The following CACNA2D3 variants were observed in gnomAD, a reference collection of about 807,000 sequenced individuals.
CACNA2D3 encodes voltage-dependent calcium channel subunit alpha-2/delta-3.
Under a neutral mutation model 160.6 loss-of-function variants are expected in CACNA2D3, and 60 were observed. The ratio of observed to expected loss-of-function variants is 0.37; its 90% CI spans 0.30 to 0.46. The LOEUF (loss-of-function observed/expected upper bound fraction) is 0.46, where lower values mean the gene tolerates loss of function less well. Ranked by LOEUF, CACNA2D3 falls within the 20% of genes least tolerant of loss-of-function variation. The pLI is 1.00. For missense variants in CACNA2D3, 1,205 were observed against 1,365.0 expected, an observed-to-expected ratio of 0.88 and a Z score of 1.85; for synonymous variants, 558 against 492.9, an observed-to-expected ratio of 1.13 and a Z score of -1.75.
chr3:54,597,145 T>A (rs1378492354), intron 9 of CACNA2D3, among the ~76,000 whole-genome samples: 1 of 152,240 alleles, frequency 6.6e-6, no homozygotes. Context: ...CCACCTGAGA[T>A]AAAATCTAAC....
At chr3:54,172,022 T>C (rs72972024) in intron 2 of CACNA2D3, among the ~76,000 whole-genome samples, 12,162 of 152,292 alleles carry the variant, frequency 0.08, 575 homozygotes, top group African/African-American at 0.11. Flanking sequence ...AGCTCTCTCT[T>C]ATTTCCACGG....
At chr3:54,785,591 A>T (rs1490938012) in intron 13 of CACNA2D3, among the ~76,000 whole-genome samples, 1 of 152,212 alleles carries the variant, frequency 6.6e-6, no homozygotes, top group Admixed American at 6.5e-5. Context: ...TACCTAAATG[A>T]CAAGCAAAAT....
At chr3:54,303,818 G>GTTTTTTTTTTTTTTTT (rs71617795) in intron 2 of CACNA2D3, among the ~76,000 whole-genome samples, 6 of 115,006 alleles carry the variant, frequency 5.2e-5, no homozygotes, top group African/African-American at 1.7e-4. Flanking sequence ...CTTTTTTTCT[G>GTTTTTTTTTTTTTTTT]TTTTTTTTTT....
chr3:54,144,850 A>G (rs1699996758), intron 2 of CACNA2D3, among the ~76,000 whole-genome samples: 1 of 152,230 alleles, frequency 6.6e-6, no homozygotes, highest in Non-Finnish European at 1.5e-5. Context: ...AAGTGTTTTT[A>G]TCATTTTTAC....
chr3:54,979,862 T>C (rs1306905016), intron 29 of CACNA2D3, among the ~76,000 whole-genome samples: 4 of 152,208 alleles, frequency 2.6e-5, no homozygotes, highest in Non-Finnish European at 5.9e-5. Context: ...CAGTTGTCTG[T>C]GGATGATAAA....
intron 3 of CACNA2D3, among the ~76,000 whole-genome samples, chr3:54,342,647 G>C (rs1404783874): frequency 6.6e-6 from 1 of 152,190 alleles, no homozygotes; most frequent in Non-Finnish European, 1.5e-5. Context: ...TCATTGATAA[G>C]AACGGCACTG....
chr3:54,920,421 G>C (rs1880826), intron 27 of CACNA2D3, among the ~76,000 whole-genome samples: 112,125 of 152,066 alleles, frequency 0.74, 41,669 homozygotes, highest in East Asian at 0.86. Flanking sequence ...CCACCAGAGT[G>C]TCTTGGGTTC....
intron 9 of CACNA2D3, among the ~76,000 whole-genome samples, chr3:54,615,237 G>T (rs1312331457): frequency 6.6e-6 from 1 of 152,132 alleles, no homozygotes; most frequent in Non-Finnish European, 1.5e-5. Context: ...TACCATCATC[G>T]CAAGGAGACT....
At chr3:54,980,069 C>G (rs1036725027) in intron 29 of CACNA2D3, among the ~76,000 whole-genome samples, 1 of 152,154 alleles carries the variant, frequency 6.6e-6, no homozygotes, top group African/African-American at 2.4e-5. Context: ...AAGCCAAACA[C>G]TGTTTCACAT....
intron 11 of CACNA2D3, among the ~76,000 whole-genome samples, chr3:54,703,004 A>G (rs1480765340): frequency 6.6e-6 from 1 of 152,200 alleles, no homozygotes; most frequent in East Asian, 1.9e-4. Flanking sequence ...ACATGTTTTC[A>G]TTTATAAGTG....
At chr3:55,046,227 A>G (rs1351801679) in intron 35 of CACNA2D3, among the ~76,000 whole-genome samples, 2 of 144,230 alleles carry the variant, frequency 1.4e-5, no homozygotes, top group South Asian at 2.2e-4. Flanking sequence ...CATTAGGTAT[A>G]TCTCCCGATG....
At chr3:54,649,076 C>T (rs892616686) in intron 11 of CACNA2D3, among the ~76,000 whole-genome samples, 1 of 152,190 alleles carries the variant, frequency 6.6e-6, no homozygotes, top group African/African-American at 2.4e-5. Context: ...TGGTGGAGGG[C>T]TGGGAGACTT....
chr3:54,315,274 T>TG (rs1460267535), intron 2 of CACNA2D3, among the ~76,000 whole-genome samples: 1 of 152,180 alleles, frequency 6.6e-6, no homozygotes, highest in Non-Finnish European at 1.5e-5. Flanking sequence ...GTCTACTCCC[T>TG]GGGGGAAGGC....
intron 13 of CACNA2D3, among the ~76,000 whole-genome samples, chr3:54,801,069 C>G (rs1702974056): frequency 6.6e-6 from 1 of 151,678 alleles, no homozygotes; most frequent in African/African-American, 2.4e-5. Context: ...TCACTGTAAC[C>G]TCTGCTTCCC....
chr3:54,468,363 A>G (rs6804632), intron 4 of CACNA2D3, among the ~76,000 whole-genome samples: 11,544 of 152,240 alleles, frequency 0.076, 963 homozygotes, highest in African/African-American at 0.2. Flanking sequence ...AAGGGAAGCC[A>G]TGAGGGACTG....
At chr3:54,364,648 T>G (rs1207912294) in intron 3 of CACNA2D3, among the ~76,000 whole-genome samples, 1 of 152,228 alleles carries the variant, frequency 6.6e-6, no homozygotes, top group Non-Finnish European at 1.5e-5. Flanking sequence ...TTTAGACTTT[T>G]GAAGTAAGAC....
At chr3:54,803,758 TTCACCAAA>T (rs1414346914) in intron 13 of CACNA2D3, among the ~76,000 whole-genome samples, 4 of 152,122 alleles carry the variant, frequency 2.6e-5, no homozygotes, top group Non-Finnish European at 5.9e-5. Flanking sequence ...AATTGTCAGA[TTCACCAAA>T]GTGGAAATGA....
intron 2 of CACNA2D3, among the ~76,000 whole-genome samples, chr3:54,183,339 T>C (rs1322229347): frequency 6.6e-6 from 1 of 151,136 alleles, no homozygotes; most frequent in Non-Finnish European, 1.5e-5. Context: ...TAAGCAGCTG[T>C]GGGGTTTGTG....
chr3:54,893,168 C>T (rs1294253098), intron 25 of CACNA2D3, among the ~76,000 whole-genome samples: 1 of 152,110 alleles, frequency 6.6e-6, no homozygotes. Flanking sequence ...CCCAGCTACT[C>T]AGGAGGCTGA....
Sources: gnomAD v4.1 joint callset for allele counts (sites outside exome capture counted in the v4.1 genomes callset) on GRCh38, gnomAD v4.1.1 for gene constraint, MANE v1.5 for transcripts, NCBI Gene and HGNC (gene_info 2026-07-23, HGNC 2026-07-21) for gene names.